PLEKHG6: variants seen among roughly 807,000 people sequenced by gnomAD.
The protein encoded by PLEKHG6 is pleckstrin homology and RhoGEF domain containing G6.
PLEKHG6 carries 91 observed loss-of-function variants against 97.5 expected under a neutral mutation model. The observed-to-expected ratio is 0.93, with a 90% CI of 0.79 to 1.11. The LOEUF (loss-of-function observed/expected upper bound fraction) is 1.11. Among genes scored for constraint, PLEKHG6 ranks in the 50% most tolerant of loss-of-function variants. PLEKHG6 has a pLI of 0.00. For missense variants in PLEKHG6, 1,044 were observed against 1,031.0 expected, an observed-to-expected ratio of 1.01 and a Z score of -0.17; for synonymous variants, 466 against 425.5, an observed-to-expected ratio of 1.10 and a Z score of -1.17.
chr12:6,323,988 C>A (rs1947784742), intron 13 of PLEKHG6, among the ~76,000 whole-genome samples: 1 of 152,050 alleles, frequency 6.6e-6, no homozygotes, highest in South Asian at 2.1e-4. Flanking sequence ...CTAGGAGCCA[C>A]CCCAGAGACA....
intron 2 of PLEKHG6, 149 bp downstream of exon 2, chr12:6,312,513 G>A: frequency 9.0e-7 from 1 of 1,114,730 alleles, no homozygotes; most frequent in African/African-American, 1.7e-5. Flanking sequence ...GGAAAGAGGA[G>A]GGCAGTGACA....
intron 13 of PLEKHG6, 42 bp downstream of exon 13, chr12:6,319,150 C>G: frequency 3.7e-6 from 5 of 1,365,820 alleles, no homozygotes; most frequent in Middle Eastern, 2.1e-4. Context: ...GCAGGGGTCC[C>G]CGGAGCTCAG....
rs1306250629 is a variant in PLEKHG6, at chr12:6,315,640, C to T, written c.546C>T (p.Ile182=). Residue 182 remains isoleucine (I), a synonymous_variant, in exon 5 of 16, where the codon ATC becomes ATT. Coordinates refer to ENST00000684764, the MANE Select transcript of PLEKHG6 (RefSeq NM_001384598.1). The surrounding 1 kb of genome is among the most constrained non-coding windows in gnomAD (Gnocchi z 4.5). ...TELIYVRKLK[I]MTDLLAAGLL... ...TGATCTACGTGAGAAAGCTCAAGAT[C>T]ATGACTGATGTGAGCCCCCCTCAGC... 6.3e-7 allele frequency: 1 copy of T among 1,582,358 alleles called. No homozygotes were observed. The highest frequency in any genetic ancestry group is 1.7e-4 in the Middle Eastern group (1 of 5,996).
rs753349795 is a variant in PLEKHG6, at chr12:6,316,381, G to A, written c.733G>A (p.Gly245Ser). 3 of 1,573,396 alleles carry A rather than the reference G, an allele frequency of 1.9e-6. No individual in the cohort carries two copies. Among genetic ancestry groups the A allele is most frequent in the Non-Finnish European group, 2.6e-6 (3 of 1,158,918 alleles). Reference protein sequence around the residue: ...RASGQPLDPIGLQSGFLTFGQ... With the variant: ...RASGQPLDPISLQSGFLTFGQ... ...CTCGGGCCAGCCTCTGGACCCCATT[G>A]GTCTGCAAAGTGGCTTCCTGACGGT... is the stretch of plus-strand genomic sequence containing the variant. The change falls in exon 7 of 16, where the codon GGT (glycine) becomes AGT (serine). Residue 245 changes from glycine to serine, a missense_variant. Physicochemically the swap from Gly to Ser is moderately conservative, Grantham distance 56. Coordinates refer to ENST00000684764, the MANE Select transcript of PLEKHG6 (RefSeq NM_001384598.1). This position sits in a 1 kb window ranked among gnomAD's most constrained non-coding sequence, Gnocchi z 4.1.
intron 13 of PLEKHG6, among the ~76,000 whole-genome samples, chr12:6,323,943 G>T (rs188117713): frequency 6.6e-6 from 1 of 152,200 alleles, no homozygotes; most frequent in Non-Finnish European, 1.5e-5. Context: ...GTTTTAGTCC[G>T]GCACTGGGGA....
At position 6,327,270 on chromosome 12, in the gene PLEKHG6, A is replaced by T. The variant is rs369040649; in HGVS notation, c.1687A>T (p.Thr563Ser). The part of the protein sequence containing the change: ...SAEGRTPEFS[T>S]IIPHLVVTED... ...TAACTGTAGGACTCCTGAGTTCTCG[A>T]CCATTATCCCCCACCTGGTGGTGAC... Residue 563 changes from threonine to serine, a missense_variant, in exon 15 of 16, where the codon ACC (threonine) becomes TCC (serine). By Grantham distance (58) the Thr-to-Ser change is moderately conservative (BLOSUM62 1). Transcript: ENST00000684764. The T allele has an allele frequency of 6.3e-7, 1 of 1,599,344 alleles. No individual in the cohort carries two copies. The highest frequency in any genetic ancestry group is 1.3e-5 in the African/African-American group (1 of 74,484).
At chr12:6,312,749 T>A (rs955040736) in intron 2 of PLEKHG6, 2 of 1,164,616 alleles carry the variant, frequency 1.7e-6, no homozygotes, top group East Asian at 1.0e-4. Flanking sequence ...AGGATGAAGA[T>A]GAGCAAAGGT....
At chr12:6,327,052 A>ATTTT (rs1383552423) in intron 14 of PLEKHG6, among the ~76,000 whole-genome samples, 1 of 152,204 alleles carries the variant, frequency 6.6e-6, no homozygotes, top group Non-Finnish European at 1.5e-5. Flanking sequence ...GATGCTATGG[A>ATTTT]TAAAACAGTA....
At chr12:6,314,723 G>T (rs1013422545) in intron 3 of PLEKHG6, among the ~76,000 whole-genome samples, 3 of 152,074 alleles carry the variant, frequency 2.0e-5, no homozygotes, top group Non-Finnish European at 4.4e-5. Flanking sequence ...CTGTCAGGGA[G>T]CCTAGATCAG....
intron 2 of PLEKHG6, 151 bp from the exon 3 acceptor site, chr12:6,313,478 C>T: frequency 2.2e-6 from 2 of 929,856 alleles, no homozygotes; most frequent in South Asian, 1.6e-5. Context: ...AGGAGCAGTC[C>T]ACACCAAACT....
intron 13 of PLEKHG6, among the ~76,000 whole-genome samples, chr12:6,321,840 A>G (rs985608883): frequency 1.3e-5 from 2 of 151,260 alleles, no homozygotes; most frequent in East Asian, 3.9e-4. Flanking sequence ...AAAAAAAAAA[A>G]AAGAAGAGGG....
intron 13 of PLEKHG6, among the ~76,000 whole-genome samples, chr12:6,324,056 G>A (rs1000894525): frequency 6.6e-6 from 1 of 152,008 alleles, no homozygotes; most frequent in African/African-American, 2.4e-5. Flanking sequence ...TCCTGCTAGG[G>A]GCCCTCCCTT....
Position 6,314,994 on chromosome 12 carries a change from G to T in PLEKHG6, c.295-11G>T, listed in dbSNP as rs544334602. 9.9e-6 allele frequency: 16 copies of T among 1,611,252 alleles called. No individual in the cohort carries two copies. The highest frequency in any genetic ancestry group is 8.0e-5 in the African/African-American group (6 of 74,938). On this transcript the variant is annotated splice_polypyrimidine_tract_variant and intron_variant, in intron 3 of 15. Coordinates refer to ENST00000684764, the MANE Select transcript of PLEKHG6 (RefSeq NM_001384598.1). Reference sequence around the variant, plus strand: ...TGTGACCAGAGCTGATGCCCTTCTCGGCTCCCCCAGGAACTCACCAAGGCC... The same window carrying T: ...TGTGACCAGAGCTGATGCCCTTCTCTGCTCCCCCAGGAACTCACCAAGGCC...
At position 6,328,403 on chromosome 12, in the gene PLEKHG6, C is replaced by A. The variant is rs942845911; in HGVS notation, c.*258C>A. On this transcript the variant is annotated 3_prime_UTR_variant, in exon 16 of 16. Coordinates refer to ENST00000684764, the MANE Select transcript of PLEKHG6 (RefSeq NM_001384598.1). ...GGCATGGCTGCCTGTAATCCCAGCA[C>A]TTTGGGAGGCTGAGGTGGGAGGATC... 1.1e-5 allele frequency: 5 copies of A among 454,348 alleles called. No individual in the cohort carries two copies. The highest frequency in any genetic ancestry group is 7.8e-5 in the Admixed American group (2 of 25,786). The allele number at this position is 454,348 out of a possible 1,614,324, so 28.1% of individuals were successfully genotyped here. A position where few individuals can be genotyped will look rare whatever the true frequency, so the allele number is the denominator to read the frequency against.
rs750335802 is a variant in PLEKHG6 at position 6,313,741 on chromosome 12, G to T, written c.251G>T (p.Gly84Val). The change falls in exon 3 of 16, where the codon GGG (glycine) becomes GTG (valine). Residue 84 changes from glycine to valine, a missense_variant. Transcript: ENST00000684764. Reference sequence around the variant, plus strand: ...GATCCAGAGCCCGAGAAGAGGCACGGGGGCCATGTGGGGGCTGGCCTGCTT... The same window carrying T: ...GATCCAGAGCCCGAGAAGAGGCACGTGGGCCATGTGGGGGCTGGCCTGCTT... ...LRDPEPEKRH[G>V]GHVGAGLLHS... 5.0e-6 allele frequency: 8 copies of T among 1,607,960 alleles called. No individual in the cohort carries two copies. The Admixed American group carries it at 5.1e-5, about 10-fold the overall frequency.
Position 6,327,545 on chromosome 12 carries a change from A to G in PLEKHG6, c.1962A>G (p.Leu654=), listed in dbSNP as rs374629922. 5.0e-6 allele frequency: 8 copies of G among 1,602,362 alleles called. No individual in the cohort carries two copies. The highest frequency in any genetic ancestry group is 4.5e-5 in the East Asian group (2 of 44,234). The change falls in exon 15 of 16, where the codon CTA becomes CTG. Residue 654 remains leucine, a synonymous_variant. Coordinates refer to ENST00000684764, the MANE Select transcript of PLEKHG6 (RefSeq NM_001384598.1). The part of the protein sequence containing the change: ...RSAPELPEGI[L]KGGSLPQEDP... ...CCCCCGAACTGCCGGAAGGAATCCTAAAAGGAGGCAGTCTTCCCCAGGAAG... is the reference window on the plus strand; with the variant it reads ...CCCCCGAACTGCCGGAAGGAATCCTGAAAGGAGGCAGTCTTCCCCAGGAAG...
At chr12:6,319,675 T>C in intron 13 of PLEKHG6, 1 of 1,533,056 alleles carries the variant, frequency 6.5e-7, no homozygotes, top group East Asian at 2.4e-5. Flanking sequence ...CCCCTGAAGG[T>C]TTGTACAGCC....
rs764752022 is a variant in PLEKHG6 at position 6,318,750 on chromosome 12, C to G, written c.1281C>G (p.Asp427Glu). 4 of 1,613,780 alleles carry G rather than the reference C, an allele frequency of 2.5e-6. No homozygotes were observed. The highest frequency in any genetic ancestry group is 3.4e-6 in the Non-Finnish European group (4 of 1,179,876). The change falls in exon 12 of 16, where the codon GAC (aspartate) becomes GAG (glutamate). Residue 427 changes from aspartate (D) to glutamate (E), a missense_variant. Coordinates refer to ENST00000684764, the MANE Select transcript of PLEKHG6 (RefSeq NM_001384598.1). ...CCCTACGCCCCCACCCCCAGCTGGA[C>G]GTGTACCTGTTCCTCTTCTCTGATG... ...RVKEGREGKL[D>E]VYLFLFSDVL...
Position 6,312,326 on chromosome 12 carries a change from A to C in PLEKHG6, c.100A>C (p.Thr34Pro). 2 of 1,582,610 alleles carry C rather than the reference A, an allele frequency of 1.3e-6. No homozygotes were observed. Among genetic ancestry groups the C allele is most frequent in the Non-Finnish European group, 1.7e-6 (2 of 1,167,794 alleles). The change falls in exon 2 of 16, where the codon ACT (threonine) becomes CCT (proline). Residue 34 changes from threonine (T) to proline (P), a missense_variant. Physicochemically the swap from Thr to Pro is conservative, Grantham distance 38. Coordinates refer to ENST00000684764, the MANE Select transcript of PLEKHG6 (RefSeq NM_001384598.1). Reference sequence around the variant, plus strand: ...CCGGCATCGAGCCTCTGCTCAGAGCACTGCTGGCAGACTCTATCCCCGAGG... The same window carrying C: ...CCGGCATCGAGCCTCTGCTCAGAGCCCTGCTGGCAGACTCTATCCCCGAGG... The part of the protein sequence containing the change: ...GGRHRASAQS[T>P]AGRLYPRGYP...
Sources: gnomAD v4.1 joint callset for allele counts (sites outside exome capture counted in the v4.1 genomes callset) on GRCh38, gnomAD v4.1.1 for gene constraint, Gnocchi (gnomAD v3.1) non-coding constraint, MANE v1.5 for transcripts, NCBI Gene and HGNC (gene_info 2026-07-23, HGNC 2026-07-21) for gene names.